Variants in CATSPER2 observed in about 807,000 individuals in gnomAD.
The protein encoded by CATSPER2 is cation channel sperm-associated protein 2.
Under a neutral mutation model 68.8 loss-of-function variants are expected in CATSPER2, and 56 were observed. The observed-to-expected ratio is 0.81, with a 90% CI of 0.66 to 1.02. CATSPER2 has a LOEUF of 1.02. Among genes scored for constraint, CATSPER2 ranks in the 50% least tolerant of loss-of-function variants. The pLI, the probability that CATSPER2 is intolerant of heterozygous loss-of-function variation, is 0.00. For missense variants in CATSPER2, 582 were observed against 642.0 expected (o/e 0.91, Z 1.01); for synonymous variants, 198 against 229.9 (o/e 0.86, Z 1.26).
At chr15:43,648,547 G>C (rs945167442) in intron 1 of CATSPER2, 82 bp downstream of exon 1, 1 of 1,253,878 alleles carries the variant, frequency 8.0e-7, no homozygotes, top group African/African-American at 1.6e-5. Context: ...TTTGAAAATG[G>C]GTCCCGTCCC....
chr15:43,644,170 T>A (rs1193906214), intron 4 of CATSPER2, among the ~76,000 whole-genome samples: 1 of 151,988 alleles, frequency 6.6e-6, no homozygotes, highest in African/African-American at 2.4e-5. Context: ...CAGATTTTTT[T>A]AAAGCCCTAA....
At chr15:43,633,266 C>G (rs2085907369) in intron 10 of CATSPER2, 2 of 368,078 alleles carry the variant, frequency 5.4e-6, no homozygotes, top group African/African-American at 4.2e-5. Flanking sequence ...ACTGATCTCT[C>G]TACTCCTTCC....
intron 6 of CATSPER2, chr15:43,639,410 AT>A (rs71415804): frequency 0.094 from 23,486 of 249,920 alleles, 330 homozygotes; most frequent in Middle Eastern, 0.11. Context: ...AAGCCCGGCA[AT>A]TTTTTTTTTT....
In CATSPER2 at chr15:43,643,073, G is replaced by A. The variant is rs975884832; in HGVS notation, c.389-2577C>T. 6.6e-5 allele frequency: 10 copies of A among 151,798 alleles called. 1 individual carries two copies. Among genetic ancestry groups the A allele is most frequent in the African/African-American group, 2.4e-4 (10 of 41,294 alleles). 9.4% of individuals were successfully genotyped at this position (151,798 alleles called of 1,614,324 possible). On this transcript the variant is annotated intron_variant, in intron 4 of 12. Coordinates refer to ENST00000396879, the MANE Select transcript of CATSPER2 (RefSeq NM_172095.4). ...AGTAGCCATTTGATCAAGCAAGTCA[G>A]GCAAATATATAATTCTGTTTTACAG...
At chr15:43,639,283 C>T (rs562040757) in intron 6 of CATSPER2, 29 of 481,856 alleles carry the variant, frequency 6.0e-5, no homozygotes, top group Admixed American at 4.4e-4. Context: ...TTCACTCTGT[C>T]GCCTAGGCTA....
At chr15:43,634,447 C>G (rs1026715282) in intron 10 of CATSPER2, 1 of 151,970 alleles carries the variant, frequency 6.6e-6, no homozygotes, top group African/African-American at 2.4e-5. Context: ...AACTCCTGAG[C>G]TCAAGTCATC....
At chr15:43,638,155 A>C (rs1412624497) in intron 7 of CATSPER2, among the ~76,000 whole-genome samples, 2 of 150,698 alleles carry the variant, frequency 1.3e-5, no homozygotes, top group East Asian at 3.9e-4. Context: ...GGGTTTCACC[A>C]TGTTGGCCAG....
Position 43,647,272 on chromosome 15 carries a change from A to C in CATSPER2, c.319+22T>G, listed in dbSNP as rs759713000. On this transcript the variant is annotated intron_variant, in intron 3 of 12. Transcript: ENST00000396879. ...GCAGATGATCAACAGCCAGGATAAAAATGAGTGACATGAAAGGATACACTC... is the reference window on the plus strand; with the variant it reads ...GCAGATGATCAACAGCCAGGATAAACATGAGTGACATGAAAGGATACACTC... 7.5e-6 allele frequency: 12 copies of C among 1,601,024 alleles called. 1 individual carries two copies.
Position 43,639,022 on chromosome 15 carries a change from T to A in CATSPER2, c.724A>T (p.Thr242Ser), listed in dbSNP as rs140331423. ...ATGAGCAGCAACATCAAGAGGAAGG[T>A]CATGCTCTAGAGGCCATAACTCTCA... is the stretch of plus-strand genomic sequence containing the variant. The part of the protein sequence containing the change: ...LVLVRALKSM[T>S]FLLMLLLIFF... The change falls in exon 7 of 13, where the codon ACC becomes TCC. Residue 242 changes from threonine to serine, a missense_variant. Around this residue, in one of 5 missense-constraint regions of CATSPER2, gnomAD observed 91 missense variants for 72.8 expected, o/e 1.25. Coordinates refer to ENST00000396879, the MANE Select transcript of CATSPER2 (RefSeq NM_172095.4). The A allele has an allele frequency of 2.3e-5, 37 of 1,612,260 alleles. No individual in the cohort carries two copies. The Middle Eastern group carries it at 5.0e-4, about 22-fold the overall frequency.
At chr15:43,647,752 A>C (rs1356621343) in intron 2 of CATSPER2, among the ~76,000 whole-genome samples, 165 bp downstream of exon 2, 2 of 152,046 alleles carry the variant, frequency 1.3e-5, no homozygotes, top group Non-Finnish European at 2.9e-5. Context: ...CCTAGGCCTA[A>C]AAGTGAAAGA....
intron 2 of CATSPER2, among the ~76,000 whole-genome samples, 163 bp from the exon 3 acceptor site, chr15:43,647,630 T>C (rs1473571510): frequency 6.6e-6 from 1 of 151,938 alleles, no homozygotes; most frequent in East Asian, 1.9e-4. Flanking sequence ...TGAGAGCAAA[T>C]GTATTGCTTA....
At chr15:43,648,581 T>G in intron 1 of CATSPER2, 48 bp downstream of exon 1, 3 of 1,369,946 alleles carry the variant, frequency 2.2e-6, no homozygotes, top group South Asian at 3.4e-5. Context: ...CCAACACTCC[T>G]TCGGGGGCTA....
At position 43,635,365 on chromosome 15, in the gene CATSPER2, C is replaced by T. The variant is rs143143156; in HGVS notation, c.1173G>A (p.Glu391=). ...TTCACATACATACTCCTAACCTGTC[C>T]TCTATTTTGCTATGGCTTGACGTCA... is the stretch of plus-strand genomic sequence containing the variant. ...EALTSSHSKI[E]DSSRGASQQR... Residue 391 remains glutamate (E), a synonymous_variant, in exon 10 of 13, where the codon GAG becomes GAA. Transcript: ENST00000396879. 3.3e-4 allele frequency: 538 copies of T among 1,609,260 alleles called. 8 individuals carry two copies. Among genetic ancestry groups the T allele is most frequent in the Non-Finnish European group, 4.2e-4 (494 of 1,178,138 alleles).
intron 10 of CATSPER2, chr15:43,633,161 C>T (rs1378509331): frequency 6.7e-6 from 4 of 595,782 alleles, no homozygotes; most frequent in Non-Finnish European, 1.2e-5. Flanking sequence ...CCTGCTGACT[C>T]TACCTTCGAA....
At chr15:43,645,337 T>C (rs1424117816) in intron 4 of CATSPER2, among the ~76,000 whole-genome samples, 1 of 151,772 alleles carries the variant, frequency 6.6e-6, no homozygotes, top group Admixed American at 6.6e-5. Context: ...ATTACAGGCA[T>C]GAACCACCAT....
chr15:43,632,644 T>A, intron 11 of CATSPER2, 73 bp downstream of exon 11: 6 of 1,609,246 alleles, frequency 3.7e-6, no homozygotes, highest in Non-Finnish European at 5.1e-6. Flanking sequence ...GAGCTCCTGT[T>A]AAGACTAAGA....
chr15:43,641,093 C>A (rs959946839), intron 4 of CATSPER2, among the ~76,000 whole-genome samples: 1 of 150,712 alleles, frequency 6.6e-6, no homozygotes, highest in Non-Finnish European at 1.5e-5. Context: ...CTATTATTTA[C>A]TTTTGTTTTG....
intron 5 of CATSPER2, 129 bp downstream of exon 5, chr15:43,640,195 A>G (rs2086047729): frequency 5.7e-6 from 9 of 1,572,142 alleles, no homozygotes; most frequent in South Asian, 1.2e-5. Context: ...AGTTTTAGGG[A>G]AAAAAAATCA....
chr15:43,642,900 G>A (rs1293354708), intron 4 of CATSPER2: 3 of 151,680 alleles, frequency 2.0e-5, no homozygotes, highest in African/African-American at 7.3e-5. Context: ...TAAAATTCTT[G>A]GAATTTTTCA....
Sources: gnomAD v4.1 joint callset for allele counts (sites outside exome capture counted in the v4.1 genomes callset) on GRCh38, gnomAD v4.1.1 for gene constraint, gnomAD v4.1.1 regional missense constraint, MANE v1.5 for transcripts, NCBI Gene and HGNC (gene_info 2026-07-23, HGNC 2026-07-21) for gene names.